Variants in SHROOM2 observed in about 807,000 individuals in gnomAD.
SHROOM2 encodes the protein protein Shroom2.
Under a neutral mutation model 75.9 loss-of-function variants are expected in SHROOM2, and 33 were observed. That is an observed-to-expected ratio of 0.43 (90% CI 0.33 to 0.58). The LOEUF (loss-of-function observed/expected upper bound fraction) is 0.58, where lower values mean the gene tolerates loss of function less well. Among genes scored for constraint, SHROOM2 ranks in the 20% least tolerant of loss-of-function variants. SHROOM2 has a pLI of 0.04. For synonymous variants in SHROOM2, 655 were observed against 663.6 expected (o/e 0.99, Z 0.20); for missense variants, 1,434 against 1,461.2 (o/e 0.98, Z 0.30).
At chrX:9,871,875 G>A (rs1422826668) in intron 1 of SHROOM2, among the ~76,000 whole-genome samples, 1 of 111,988 alleles carries the variant, frequency 8.9e-6, no homozygotes, top group Non-Finnish European at 1.9e-5. Flanking sequence ...CTCACTCTTG[G>A]AAGTTGTTCT....
chrX:9,938,626 G>A (rs1489112530), intron 7 of SHROOM2, among the ~76,000 whole-genome samples: 1 of 112,515 alleles, frequency 8.9e-6, no homozygotes, highest in East Asian at 2.8e-4. Flanking sequence ...GGTTTTGTAA[G>A]TAGCACTTTC....
chrX:9,817,282 C>CT lies in SHROOM2; in HGVS notation c.165+30587dup, dbSNP rs55943624. 7.9e-3 allele frequency among the ~76,000 whole-genome samples: 784 copies of CT among 98,704 alleles called. 10 individuals are homozygous for CT. The highest frequency in any genetic ancestry group is 0.027 in the African/African-American group (723 of 27,259). 85.7% of individuals were successfully genotyped at this position (98,704 alleles called of 115,157 possible). On this transcript the variant is annotated intron_variant, in intron 1 of 9. Transcript: ENST00000380913. ...GCCACCACACCCAACCTCCCTCTAA[C>CT]TTTTTTTTTTTTTTTCAGTATGTCT...
At position 9,823,038 on chromosome X, in the gene SHROOM2, C is replaced by T. The variant is rs867263840; in HGVS notation, c.165+36328C>T. Among the ~76,000 whole-genome samples, 109 of 29,128 alleles carry T rather than the reference C, an allele frequency of 3.7e-3. 1 individual carries two copies. Among genetic ancestry groups the T allele is most frequent in the African/African-American group, 8.2e-3 (80 of 9,697 alleles). 25.3% of individuals were successfully genotyped at this position (29,128 alleles called of 115,157 possible). A position where few individuals can be genotyped will look rare whatever the true frequency, so the allele number is the denominator to read the frequency against. On this transcript the variant is annotated intron_variant, in intron 1 of 9. Transcript: ENST00000380913. ...TTCTCCTTCTCCTTCTCCTCCTCCT[C>T]CTCCTCCTCCTCCTCCTCCTCCTCC...
intron 1 of SHROOM2, among the ~76,000 whole-genome samples, chrX:9,862,139 A>G (rs2084107713): frequency 1.8e-5 from 2 of 112,040 alleles, no homozygotes; most frequent in African/African-American, 6.5e-5. Flanking sequence ...TCTTTGTGAA[A>G]AAGTTTGCTC....
chrX:9,889,939 A>G (rs1039814144), intron 2 of SHROOM2, among the ~76,000 whole-genome samples: 5 of 112,802 alleles, frequency 4.4e-5, no homozygotes, highest in African/African-American at 1.6e-4. Flanking sequence ...GTTTGTGTTC[A>G]TACTGGGGCA....
At chrX:9,799,613 A>G (rs1424848999) in intron 1 of SHROOM2, among the ~76,000 whole-genome samples, 2 of 110,644 alleles carry the variant, frequency 1.8e-5, no homozygotes, top group African/African-American at 3.3e-5. Flanking sequence ...CCTTCTTTCT[A>G]TTTTTACAGT....
intron 1 of SHROOM2, among the ~76,000 whole-genome samples, chrX:9,862,255 A>C (rs1477220179): frequency 9.0e-6 from 1 of 111,246 alleles, no homozygotes; most frequent in East Asian, 2.8e-4. Flanking sequence ...AGAATACGAG[A>C]ATAGCAGATA....
intron 5 of SHROOM2, among the ~76,000 whole-genome samples, chrX:9,919,610 G>A (rs1382579140): frequency 9.1e-6 from 1 of 110,053 alleles, no homozygotes; most frequent in Non-Finnish European, 1.9e-5. Context: ...GATTACAGGC[G>A]TGAACCACCG....
At chrX:9,808,963 C>G (rs142830765) in intron 1 of SHROOM2, among the ~76,000 whole-genome samples, 1 of 110,713 alleles carries the variant, frequency 9.0e-6, no homozygotes, top group East Asian at 2.8e-4. Context: ...TATTCACTGA[C>G]TTGTGCAATC....
At chrX:9,799,702 C>G (rs1284148245) in intron 1 of SHROOM2, among the ~76,000 whole-genome samples, 1 of 110,113 alleles carries the variant, frequency 9.1e-6, no homozygotes, top group Non-Finnish European at 1.9e-5. Flanking sequence ...TCCTCTCTCT[C>G]TCATCTAGGT....
intron 5 of SHROOM2, among the ~76,000 whole-genome samples, chrX:9,930,732 AGTTTTGTTTT>A (rs201969804): frequency 1.8e-5 from 2 of 110,153 alleles, no homozygotes; most frequent in African/African-American, 3.3e-5. Context: ...GCTGTGTTCA[AGTTTTGTTTT>A]GTTTTGTTTT....
intron 5 of SHROOM2, among the ~76,000 whole-genome samples, chrX:9,917,112 T>C (rs1414557920): frequency 9.0e-6 from 1 of 111,695 alleles, no homozygotes; most frequent in Admixed American, 9.6e-5. Flanking sequence ...AAATTGTCTC[T>C]GTGGAAAAAT....
At chrX:9,796,783 A>G (rs2146726926) in intron 1 of SHROOM2, among the ~76,000 whole-genome samples, 1 of 110,882 alleles carries the variant, frequency 9.0e-6, no homozygotes, top group African/African-American at 3.3e-5. Context: ...TATTAGGACT[A>G]CAGGCACATG....
chrX:9,895,234 C>G lies in SHROOM2; in HGVS notation c.1326C>G (p.Ser442Arg). 1.7e-6 allele frequency: 2 copies of G among 1,197,336 alleles called. No individual in the cohort carries two copies. The highest frequency in any genetic ancestry group is 2.3e-6 in the Non-Finnish European group (2 of 887,702). ...YSDHSPLCAD[S>R]LGQEPGAASF... ...ACCACAGCCCCCTCTGTGCTGACAG[C>G]CTTGGGCAGGAGCCAGGGGCTGCCA... Residue 442 changes from serine to arginine, a missense_variant, in exon 4 of 10, where the codon AGC becomes AGG. Ser to Arg is a moderately radical substitution (Grantham distance 110). Around this residue, in one of 3 missense-constraint regions of SHROOM2, gnomAD observed 1,340 missense variants for 1,338.3 expected, o/e 1.00. Coordinates refer to ENST00000380913, the MANE Select transcript of SHROOM2 (RefSeq NM_001649.4).
intron 2 of SHROOM2, among the ~76,000 whole-genome samples, chrX:9,877,404 G>T (rs1008150421): frequency 9.0e-6 from 1 of 111,317 alleles, no homozygotes; most frequent in East Asian, 2.8e-4. Context: ...CAGATCTGTC[G>T]GTTAGGTCAG....
At position 9,792,059 on chromosome X, in the gene SHROOM2, TA is replaced by T. The variant is rs1569132959; in HGVS notation, c.165+5350del. On this transcript the variant is annotated intron_variant, in intron 1 of 9. Coordinates refer to ENST00000380913, the MANE Select transcript of SHROOM2 (RefSeq NM_001649.4). ...TAGAATAGAATAGAATAGAATAGAA[TA>T]GAATAGAATAGAATAGAATAGAATA... Among the ~76,000 whole-genome samples, 13 of 19,905 alleles carry T rather than the reference TA, an allele frequency of 6.5e-4. 1 individual carries two copies. Among genetic ancestry groups the T allele is most frequent in the African/African-American group, 2.7e-3 (13 of 4,897 alleles). 17.3% of individuals were successfully genotyped at this position (19,905 alleles called of 115,157 possible). A position where few individuals can be genotyped will look rare whatever the true frequency, so the allele number is the denominator to read the frequency against.
chrX:9,848,765 A>G (rs1186791674), intron 1 of SHROOM2, among the ~76,000 whole-genome samples: 1 of 110,547 alleles, frequency 9.0e-6, no homozygotes, highest in Non-Finnish European at 1.9e-5. Context: ...TATCGACAAG[A>G]TGGGGACATG....
chrX:9,932,360 C>A lies in SHROOM2; in HGVS notation c.3077C>A (p.Thr1026Asn). Residue 1026 changes from threonine (T) to asparagine (N), a missense_variant, in exon 6 of 10, where the codon ACC (threonine) becomes AAC (asparagine). Transcript: ENST00000380913. Reference protein sequence around the residue: ...PRDYRYSEESTPADLGPRAQS... With the variant: ...PRDYRYSEESNPADLGPRAQS... ...GATTATAGATACTCGGAGGAGAGCA[C>A]CCCAGCAGACTTGGGACCCCGAGCC... The A allele has an allele frequency of 8.3e-7, 1 of 1,210,156 alleles. No homozygotes were observed.
intron 5 of SHROOM2, among the ~76,000 whole-genome samples, chrX:9,901,509 G>C (rs948985580): frequency 1.8e-5 from 2 of 112,287 alleles, no homozygotes; most frequent in African/African-American, 3.2e-5. Flanking sequence ...AGGGAAGAGG[G>C]AGCTGTCACC....
Sources: gnomAD v4.1 joint callset for allele counts (sites outside exome capture counted in the v4.1 genomes callset) on GRCh38, gnomAD v4.1.1 for gene constraint, gnomAD v4.1.1 regional missense constraint, MANE v1.5 for transcripts, NCBI Gene and HGNC (gene_info 2026-07-23, HGNC 2026-07-21) for gene names.